Variants in KCNC4 observed in about 807,000 individuals in gnomAD.
The protein encoded by KCNC4 is potassium voltage-gated channel subfamily C member 4.
A neutral mutation model predicts 42.8 loss-of-function variants in KCNC4; 23 were observed. The ratio of observed to expected loss-of-function variants is 0.54; its 90% CI spans 0.39 to 0.76. The LOEUF (loss-of-function observed/expected upper bound fraction) is 0.76, where lower values mean the gene tolerates loss of function less well. KCNC4 is among the 30% of genes least tolerant of loss of function. The pLI is 0.00. For synonymous variants in KCNC4, 422 were observed against 393.5 expected, an observed-to-expected ratio of 1.07 and a Z score of -0.86; for missense variants, 751 against 898.2, an observed-to-expected ratio of 0.84 and a Z score of 2.10.
At chr1:110,214,000 C>G (rs572906379) in intron 1 of KCNC4, among the ~76,000 whole-genome samples, 1 of 152,178 alleles carries the variant, frequency 6.6e-6, no homozygotes, top group Admixed American at 6.5e-5. Context: ...TTCTTCCCCT[C>G]TGGAATTCCA....
chr1:110,279,780 T>C (rs1479629790), intron 1 of KCNC4, among the ~76,000 whole-genome samples: 1 of 150,332 alleles, frequency 6.7e-6, no homozygotes, highest in African/African-American at 2.4e-5. Flanking sequence ...TGGTTCCCTG[T>C]GGGCTTTAGG....
chr1:110,212,213 T>A, intron 1 of KCNC4, 36 bp downstream of exon 1: 1 of 1,426,082 alleles, frequency 7.0e-7, no homozygotes, highest in Non-Finnish European at 9.1e-7. Context: ...CCATCTTGGG[T>A]CTGCAAGGGG....
At chr1:110,225,033 T>G (rs1224796711) in intron 2 of KCNC4, 1 of 152,264 alleles carries the variant, frequency 6.6e-6, no homozygotes, top group Admixed American at 6.5e-5. Flanking sequence ...TCCATCAGGC[T>G]TCCCATTTCT....
At chr1:110,268,624 A>AAAAAAAAAAAAG (rs1553218082) in intron 1 of KCNC4, among the ~76,000 whole-genome samples, 1 of 147,272 alleles carries the variant, frequency 6.8e-6, no homozygotes, top group African/African-American at 2.6e-5. Flanking sequence ...AAAAAAAAAA[A>AAAAAAAAAAAAG]AAAGAAAAGA....
At chr1:110,227,322 A>G (rs1011209667) in intron 3 of KCNC4, among the ~76,000 whole-genome samples, 2 of 152,112 alleles carry the variant, frequency 1.3e-5, no homozygotes, top group Non-Finnish European at 2.9e-5. Flanking sequence ...GGCACCTTCT[A>G]GTTTCTTTCC....
In KCNC4 at chr1:110,223,073, T is replaced by A; in HGVS notation, c.788T>A (p.Val263Glu). The change falls in exon 2 of 4, where the codon GTA (valine) becomes GAA (glutamate). Residue 263 changes from valine to glutamate, a missense_variant. Around this residue, in one of 4 missense-constraint regions of KCNC4, gnomAD observed 181 missense variants for 167.3 expected, o/e 1.08. Transcript: ENST00000438661. The surrounding 1 kb of genome is among the most constrained non-coding windows in gnomAD (Gnocchi z 7.5). The part of the protein sequence containing the change: ...IDRNVTEILR[V>E]GNITSVHFRR... Reference sequence around the variant, plus strand: ...CGCAACGTGACAGAGATCCTCCGCGTAGGGAACATCACCAGCGTGCACTTC... The same window carrying A: ...CGCAACGTGACAGAGATCCTCCGCGAAGGGAACATCACCAGCGTGCACTTC... The A allele has an allele frequency of 6.2e-7, 1 of 1,614,156 alleles. No homozygotes were observed. The highest frequency in any genetic ancestry group is 8.5e-7 in the Non-Finnish European group (1 of 1,180,012).
intron 3 of KCNC4, chr1:110,232,496 C>T (rs1289696153): frequency 1.4e-6 from 2 of 1,439,546 alleles, no homozygotes; most frequent in African/African-American, 2.9e-5. Flanking sequence ...TCCCCACTGC[C>T]TCCATGCAAG....
At chr1:110,231,704 C>T (rs554831865) in intron 3 of KCNC4, among the ~76,000 whole-genome samples, 4 of 152,268 alleles carry the variant, frequency 2.6e-5, no homozygotes, top group African/African-American at 4.8e-5. Flanking sequence ...GCTCTGTCTG[C>T]GTGTCCTCAG....
chr1:110,226,984 G>A (rs1432387077), intron 3 of KCNC4, among the ~76,000 whole-genome samples: 3 of 152,260 alleles, frequency 2.0e-5, no homozygotes, highest in Non-Finnish European at 4.4e-5. Context: ...TGAGAACCAG[G>A]GGTCTTAGGA....
intron 1 of KCNC4, among the ~76,000 whole-genome samples, chr1:110,270,952 G>C (rs886201942): frequency 6.6e-6 from 1 of 152,070 alleles, no homozygotes; most frequent in Admixed American, 6.5e-5. Context: ...TTTAGACCCT[G>C]GGGGGCTGAA....
chr1:110,254,090 CG>C (rs11305916), downstream of KCNC4, among the ~76,000 whole-genome samples: 9,767 of 109,372 alleles, frequency 0.089, 1,025 homozygotes, highest in African/African-American at 0.21. Flanking sequence ...AGGCAGAAGT[CG>C]GGGGGGGGGC....
intron 3 of KCNC4, chr1:110,232,127 A>G: frequency 1.6e-6 from 2 of 1,218,736 alleles, no homozygotes; most frequent in Non-Finnish European, 1.2e-6. Context: ...CAGGTGGTAG[A>G]CATCCCAGGC....
At chr1:110,271,427 C>T (rs974590518) in intron 1 of KCNC4, among the ~76,000 whole-genome samples, 1 of 152,150 alleles carries the variant, frequency 6.6e-6, no homozygotes, top group African/African-American at 2.4e-5. Context: ...TCTCTGGACT[C>T]TTGAGAGTAG....
intron 1 of KCNC4, among the ~76,000 whole-genome samples, chr1:110,256,561 C>A (rs759680994): frequency 6.6e-6 from 1 of 152,216 alleles, no homozygotes; most frequent in African/African-American, 2.4e-5. Context: ...GATCAGCTAA[C>A]AATTACATTT....
At chr1:110,222,553 G>A (rs555961443) in intron 1 of KCNC4, 1 of 199,682 alleles carries the variant, frequency 5.0e-6, no homozygotes, top group African/African-American at 2.3e-5. Flanking sequence ...AGCCTCACCT[G>A]AGTGCTTATT....
chr1:110,282,190 T>C (rs978438429), intron 1 of KCNC4, among the ~76,000 whole-genome samples: 3 of 152,174 alleles, frequency 2.0e-5, no homozygotes, highest in Non-Finnish European at 2.9e-5. Context: ...AAATGGTAAA[T>C]TATCTCAATC....
chr1:110,211,900 G>T lies in KCNC4; in HGVS notation c.401G>T (p.Gly134Val). 1 of 1,611,648 alleles carries T rather than the reference G, an allele frequency of 6.2e-7. No individual in the cohort carries two copies. Among genetic ancestry groups the T allele is most frequent in the Non-Finnish European group, 8.5e-7 (1 of 1,179,808 alleles). ...PLFEEELTFW[G>V]IDETDVEPCC... Reference sequence around the variant, plus strand: ...TTCGAAGAGGAGCTCACCTTCTGGGGCATCGACGAGACCGACGTGGAACCC... The same window carrying T: ...TTCGAAGAGGAGCTCACCTTCTGGGTCATCGACGAGACCGACGTGGAACCC... The change falls in exon 1 of 4, where the codon GGC becomes GTC. Residue 134 changes from glycine to valine, a missense_variant. Physicochemically the swap from Gly to Val is moderately radical, Grantham distance 109. Around this residue, in one of 4 missense-constraint regions of KCNC4, gnomAD observed 183 missense variants for 255.8 expected, o/e 0.72. Coordinates refer to ENST00000438661, the MANE Select transcript of KCNC4 (RefSeq NM_001039574.3). The surrounding 1 kb of genome is among the most constrained non-coding windows in gnomAD (Gnocchi z 6.5).
At chr1:110,221,007 A>T (rs1259829870) in intron 1 of KCNC4, 1 of 152,250 alleles carries the variant, frequency 6.6e-6, no homozygotes, top group Non-Finnish European at 1.5e-5. Context: ...TTCTCCTTCC[A>T]TGCTGTTTCT....
exon 4 of KCNC4, chr1:110,242,632 G>C (rs1659053725): frequency 6.6e-6 from 1 of 152,206 alleles, no homozygotes; most frequent in Non-Finnish European, 1.5e-5. Context: ...CTTTCTCTCT[G>C]TCGAGGACTT....
Sources: gnomAD v4.1 joint callset for allele counts (sites outside exome capture counted in the v4.1 genomes callset) on GRCh38, gnomAD v4.1.1 for gene constraint, gnomAD v4.1.1 regional missense constraint, Gnocchi (gnomAD v3.1) non-coding constraint, MANE v1.5 for transcripts, NCBI Gene and HGNC (gene_info 2026-07-23, HGNC 2026-07-21) for gene names.